The following ABTB3 variants were observed in gnomAD, a reference collection of about 807,000 sequenced individuals.
ABTB3 encodes ankyrin repeat and BTB domain containing 3, also known as ankyrin repeat- and BTB/POZ domain-containing protein 3.
At chr12:107,623,676 T>G in the ABTB3 span, among the ~76,000 whole-genome samples, 1 of 152,144 alleles carries the variant, frequency 6.6e-6, no homozygotes, top group South Asian at 2.1e-4. Context: ...CTCTAGCTTA[T>G]TTTTCTAACA....
chr12:107,608,808 C>G, the ABTB3 span, among the ~76,000 whole-genome samples: 1 of 151,270 alleles, frequency 6.6e-6, no homozygotes, highest in Non-Finnish European at 1.5e-5. Context: ...GAGTCTGAGG[C>G]TGCAGTGAGC....
the ABTB3 span, among the ~76,000 whole-genome samples, chr12:107,343,700 T>G: frequency 1.3e-5 from 2 of 152,204 alleles, no homozygotes; most frequent in Non-Finnish European, 2.9e-5. Flanking sequence ...GAAAGAGGTT[T>G]AATTGACTTA....
chr12:107,399,462 G>T, the ABTB3 span, among the ~76,000 whole-genome samples: 11 of 152,036 alleles, frequency 7.2e-5, no homozygotes, highest in Non-Finnish European at 1.6e-4. Context: ...TCATACTCAG[G>T]GCTGGGAGTG....
chr12:107,637,786 T>TG, the ABTB3 span, among the ~76,000 whole-genome samples: 1,696 of 144,736 alleles, frequency 0.012, 54 homozygotes, highest in African/African-American at 0.041. Context: ...AGCACTGATT[T>TG]TGTGTGTGTG....
At chr12:107,553,415 C>T in the ABTB3 span, among the ~76,000 whole-genome samples, 1 of 152,130 alleles carries the variant, frequency 6.6e-6, no homozygotes, top group Admixed American at 6.5e-5. Flanking sequence ...CAAGGTCATG[C>T]ACATTGGGGC....
the ABTB3 span, among the ~76,000 whole-genome samples, chr12:107,656,887 A>C: frequency 6.6e-6 from 1 of 152,122 alleles, no homozygotes. Context: ...TTTCTAAGCC[A>C]GGTGCAGTGG....
chr12:107,608,186 C>G, the ABTB3 span, among the ~76,000 whole-genome samples: 1 of 152,208 alleles, frequency 6.6e-6, no homozygotes, highest in Non-Finnish European at 1.5e-5. Context: ...TCCACGCCCT[C>G]TGCTCCATCC....
At chr12:107,584,147 C>T in the ABTB3 span, among the ~76,000 whole-genome samples, 4 of 152,210 alleles carry the variant, frequency 2.6e-5, no homozygotes, top group Admixed American at 6.5e-5. Flanking sequence ...TTTCTAATCT[C>T]ATTTAATGTG....
the ABTB3 span, among the ~76,000 whole-genome samples, chr12:107,654,108 C>T: frequency 2.0e-5 from 3 of 152,184 alleles, no homozygotes; most frequent in Non-Finnish European, 4.4e-5. Flanking sequence ...TATAGTAGCA[C>T]GTGTCAGAAT....
At chr12:107,340,443 A>C in the ABTB3 span, among the ~76,000 whole-genome samples, 1 of 152,216 alleles carries the variant, frequency 6.6e-6, no homozygotes, top group Admixed American at 6.5e-5. Context: ...CTAGTACAAA[A>C]TTTAAACAAA....
At chr12:107,477,861 G>A in the ABTB3 span, among the ~76,000 whole-genome samples, 1 of 152,138 alleles carries the variant, frequency 6.6e-6, no homozygotes, top group South Asian at 2.1e-4. Context: ...ACAGGACTCT[G>A]AGCTTCTAGG....
At chr12:107,363,253 A>T in the ABTB3 span, among the ~76,000 whole-genome samples, 2,027 of 152,338 alleles carry the variant, frequency 0.013, 24 homozygotes, top group Non-Finnish European at 0.023. Flanking sequence ...AATTACCATG[A>T]GCAGCAATTA....
the ABTB3 span, among the ~76,000 whole-genome samples, chr12:107,561,437 T>C: frequency 6.6e-6 from 1 of 152,128 alleles, no homozygotes; most frequent in Non-Finnish European, 1.5e-5. Context: ...TTTCTTTCCT[T>C]GATAGCCACT....
the ABTB3 span, among the ~76,000 whole-genome samples, chr12:107,608,721 A>G: frequency 4.6e-5 from 7 of 151,616 alleles, no homozygotes; most frequent in Non-Finnish European, 7.4e-5. Flanking sequence ...ATTTTTTTTG[A>G]TGAGCTGGGT....
At chr12:107,484,208 G>A in the ABTB3 span, among the ~76,000 whole-genome samples, 4 of 152,212 alleles carry the variant, frequency 2.6e-5, no homozygotes, top group African/African-American at 7.2e-5. Flanking sequence ...GAAAAGCTAG[G>A]TGGAGAAAAG....
the ABTB3 span, among the ~76,000 whole-genome samples, chr12:107,331,763 T>C: frequency 6.6e-6 from 1 of 152,156 alleles, no homozygotes; most frequent in Non-Finnish European, 1.5e-5. Flanking sequence ...TCTCCTTCCC[T>C]TTGGAAGCCC....
At chr12:107,552,327 C>A in the ABTB3 span, among the ~76,000 whole-genome samples, 1 of 152,144 alleles carries the variant, frequency 6.6e-6, no homozygotes, top group Admixed American at 6.5e-5. Flanking sequence ...TTAGTATTTG[C>A]AGGGTATAAA....
chr12:107,405,711 A>T, the ABTB3 span, among the ~76,000 whole-genome samples: 1 of 152,238 alleles, frequency 6.6e-6, no homozygotes, highest in Non-Finnish European at 1.5e-5. Context: ...CTGAAAACAG[A>T]CACATGGCCT....
At chr12:107,651,559 T>A in the ABTB3 span, 3 of 629,222 alleles carry the variant, frequency 4.8e-6, no homozygotes, top group African/African-American at 1.8e-5. Context: ...GTCCCCTACC[T>A]GTGACACTGC....
Sources: allele counts gnomAD v4.1 joint callset (sites outside exome capture counted in the v4.1 genomes callset), GRCh38; gene constraint gnomAD v4.1.1; transcripts MANE v1.5; gene names NCBI Gene and HGNC (gene_info 2026-07-23, HGNC 2026-07-21).